The following FGF12 variants were observed in gnomAD, a reference collection of about 807,000 sequenced individuals.
FGF12 encodes fibroblast growth factor 12B.
A neutral mutation model predicts 23.6 loss-of-function variants in FGF12; 14 were observed. The observed-to-expected ratio is 0.59, with a 90% CI of 0.39 to 0.93. FGF12 has a LOEUF of 0.93. FGF12 is among the 40% of genes least tolerant of loss of function. FGF12 has a pLI of 0.00. For synonymous variants in FGF12, 62 were observed against 77.3 expected, an observed-to-expected ratio of 0.80 and a Z score of 1.04; for missense variants, 175 against 217.8, an observed-to-expected ratio of 0.80 and a Z score of 1.24.
intron 4 of FGF12, among the ~76,000 whole-genome samples, chr3:192,213,191 C>G (rs549852228): frequency 1.3e-5 from 2 of 152,334 alleles, no homozygotes; most frequent in South Asian, 4.1e-4. Flanking sequence ...TCCCAGCAAG[C>G]GAGCGCCAGA....
At chr3:192,441,504 C>T (rs771129620) in intron 2 of FGF12, among the ~76,000 whole-genome samples, 2 of 152,088 alleles carry the variant, frequency 1.3e-5, no homozygotes, top group Non-Finnish European at 2.9e-5. Context: ...TTCTGACATC[C>T]TATTGTCACA....
At chr3:192,365,089 A>T (rs1361537091) in intron 2 of FGF12, among the ~76,000 whole-genome samples, 1 of 152,106 alleles carries the variant, frequency 6.6e-6, no homozygotes. Context: ...CTTGACCAGT[A>T]CTCCTCAAAA....
intron 2 of FGF12, among the ~76,000 whole-genome samples, chr3:192,437,431 G>A (rs762517100): frequency 9.9e-5 from 15 of 152,148 alleles, no homozygotes; most frequent in Admixed American, 6.5e-5. Flanking sequence ...CGTGGCTCAC[G>A]CCTGTAATCC....
chr3:192,664,575 C>G (rs1716784867), intron 2 of FGF12, among the ~76,000 whole-genome samples: 2 of 133,836 alleles, frequency 1.5e-5, no homozygotes, highest in South Asian at 4.7e-4. Flanking sequence ...ATGATGAAAC[C>G]CTGTCTCTAC....
At chr3:192,155,191 C>T (rs937585897) in intron 5 of FGF12, among the ~76,000 whole-genome samples, 3 of 152,032 alleles carry the variant, frequency 2.0e-5, no homozygotes, top group African/African-American at 7.2e-5. Flanking sequence ...GTGCGCGCAC[C>T]CACTGACCTG....
intron 2 of FGF12, among the ~76,000 whole-genome samples, chr3:192,659,014 G>T (rs1716551755): frequency 6.6e-6 from 1 of 152,174 alleles, no homozygotes; most frequent in Non-Finnish European, 1.5e-5. Flanking sequence ...TTCCCTATGT[G>T]CCTTGAGTGG....
intron 4 of FGF12, among the ~76,000 whole-genome samples, chr3:192,264,077 C>A (rs1712926114): frequency 6.6e-6 from 1 of 152,034 alleles, no homozygotes; most frequent in African/African-American, 2.4e-5. Context: ...TAGGAAAAAT[C>A]AAATGAATCA....
chr3:192,625,806 T>C (rs955128653), intron 2 of FGF12, among the ~76,000 whole-genome samples: 1 of 152,066 alleles, frequency 6.6e-6, no homozygotes, highest in Non-Finnish European at 1.5e-5. Context: ...CAAATACAAA[T>C]GGAAACAAAT....
intron 2 of FGF12, among the ~76,000 whole-genome samples, chr3:192,554,335 G>A (rs1041959682): frequency 2.6e-5 from 4 of 152,142 alleles, no homozygotes; most frequent in African/African-American, 9.7e-5. Flanking sequence ...GTGCACTGAT[G>A]TGTCCCAACA....
Position 192,581,484 on chromosome 3 carries a change from G to A in FGF12, c.13+145697C>T, listed in dbSNP as rs1041849401. Among the ~76,000 whole-genome samples, 80 of 69,162 alleles carry A rather than the reference G, an allele frequency of 1.2e-3. 2 individuals carry two copies. In the East Asian group the frequency reaches 0.019, roughly 17 times the overall value. 45.4% of individuals were successfully genotyped at this position (69,162 alleles called of 152,430 possible). A position where few individuals can be genotyped will look rare whatever the true frequency, so the allele number is the denominator to read the frequency against. On this transcript the variant is annotated intron_variant, in intron 2 of 5. Coordinates refer to ENST00000445105, the MANE Select transcript of FGF12 (RefSeq NM_004113.6). ...TATATATGTATATATATGTGTGTGTGTGTATATATATATATATATATATAT... is the reference window on the plus strand; with the variant it reads ...TATATATGTATATATATGTGTGTGTATGTATATATATATATATATATATAT...
chr3:192,307,622 T>A (rs1175363875), intron 4 of FGF12, among the ~76,000 whole-genome samples: 1 of 152,118 alleles, frequency 6.6e-6, no homozygotes, highest in Non-Finnish European at 1.5e-5. Flanking sequence ...CAGTTTACTG[T>A]TAGGGGAAGC....
intron 4 of FGF12, among the ~76,000 whole-genome samples, chr3:192,230,478 AC>A (rs1718961984): frequency 6.6e-6 from 1 of 152,150 alleles, no homozygotes; most frequent in Non-Finnish European, 1.5e-5. Flanking sequence ...AAATATGTAA[AC>A]TGCCTTGAGA....
intron 4 of FGF12, among the ~76,000 whole-genome samples, chr3:192,279,695 C>G (rs1051209229): frequency 2.2e-4 from 34 of 152,248 alleles, no homozygotes; most frequent in African/African-American, 7.7e-4. Context: ...TCAGCTGTAT[C>G]ATAAACAATA....
At chr3:192,684,348 G>A (rs993521708) in intron 2 of FGF12, among the ~76,000 whole-genome samples, 5 of 152,178 alleles carry the variant, frequency 3.3e-5, no homozygotes, top group African/African-American at 9.7e-5. Context: ...TAATCATCAC[G>A]AGTGATTTGT....
chr3:192,437,169 T>C (rs1368265515), intron 2 of FGF12, among the ~76,000 whole-genome samples: 1 of 151,940 alleles, frequency 6.6e-6, no homozygotes, highest in Non-Finnish European at 1.5e-5. Context: ...ATGGAGGAAA[T>C]AAAAGGCTAG....
At chr3:192,437,878 C>T (rs189209468) in intron 2 of FGF12, among the ~76,000 whole-genome samples, 1 of 152,296 alleles carries the variant, frequency 6.6e-6, no homozygotes, top group East Asian at 1.9e-4. Flanking sequence ...TCTTTGCCCA[C>T]TCCCTTGTAT....
Position 192,271,158 on chromosome 3 carries a change from G to A in FGF12, c.228+64203C>T, listed in dbSNP as rs147126248. Among the ~76,000 whole-genome samples, 7 of 152,172 alleles carry A rather than the reference G, an allele frequency of 4.6e-5. No homozygotes were observed. The East Asian group carries it at 1.4e-3, about 29-fold the overall frequency. ...TATAAGACATCCATGCATCATTTTT[G>A]GTTACCAAGGAAGAATAAGCCTCAT... On this transcript the variant is annotated intron_variant, in intron 4 of 5. Coordinates refer to ENST00000445105, the MANE Select transcript of FGF12 (RefSeq NM_004113.6).
intron 2 of FGF12, among the ~76,000 whole-genome samples, chr3:192,569,158 C>T (rs1712477648): frequency 6.6e-6 from 1 of 152,206 alleles, no homozygotes; most frequent in Non-Finnish European, 1.5e-5. Context: ...TATGTGAACA[C>T]TTGCTTTGGG....
intron 4 of FGF12, among the ~76,000 whole-genome samples, chr3:192,204,911 TAAGAAAGA>T (rs552129079): frequency 6.6e-6 from 1 of 151,500 alleles, no homozygotes; most frequent in Non-Finnish European, 1.5e-5. Flanking sequence ...AAAAAGAAAG[TAAGAAAGA>T]AAGAAAGAAA....
Sources: allele counts gnomAD v4.1 joint callset (sites outside exome capture counted in the v4.1 genomes callset), GRCh38; gene constraint gnomAD v4.1.1; transcripts MANE v1.5; gene names NCBI Gene and HGNC (gene_info 2026-07-23, HGNC 2026-07-21).